Variants in DPYD observed in about 807,000 individuals in gnomAD.
DPYD encodes dihydropyrimidine dehydrogenase [NADP(+)].
Under a neutral mutation model 116.2 loss-of-function variants are expected in DPYD, and 109 were observed. That is an observed-to-expected ratio of 0.94 (90% CI 0.80 to 1.10). The LOEUF is 1.10. Ranked by LOEUF, DPYD falls within the 50% of genes least tolerant of loss-of-function variation. The pLI, the probability that DPYD is intolerant of heterozygous loss-of-function variation, is 0.00. For synonymous variants in DPYD, 440 were observed against 432.0 expected (o/e 1.02, Z -0.23); for missense variants, 1,302 against 1,254.5 (o/e 1.04, Z -0.57).
intron 16 of DPYD, among the ~76,000 whole-genome samples, chr1:97,358,366 G>T (rs1670530629): frequency 1.3e-5 from 2 of 152,210 alleles, no homozygotes; most frequent in Non-Finnish European, 2.9e-5. Flanking sequence ...CTCCACCTCT[G>T]GGGGCAGGGC....
chr1:97,312,494 TG>T (rs112036781), intron 16 of DPYD, among the ~76,000 whole-genome samples: 3 of 151,582 alleles, frequency 2.0e-5, no homozygotes, highest in African/African-American at 7.3e-5. Context: ...TTTGCAGTAG[TG>T]GAAAAAAAGA....
At chr1:97,648,279 A>G (rs1186217304) in intron 8 of DPYD, among the ~76,000 whole-genome samples, 1 of 152,028 alleles carries the variant, frequency 6.6e-6, no homozygotes, top group Non-Finnish European at 1.5e-5. Flanking sequence ...TGACTATGGA[A>G]ATCACTCTGG....
chr1:97,183,564 C>T (rs1300859058), intron 20 of DPYD, among the ~76,000 whole-genome samples: 1 of 152,026 alleles, frequency 6.6e-6, no homozygotes, highest in African/African-American at 2.4e-5. Context: ...CTTTGTTCTC[C>T]TTTTTCAAGA....
chr1:97,090,319 C>T (rs999298869), intron 21 of DPYD, among the ~76,000 whole-genome samples: 1 of 152,016 alleles, frequency 6.6e-6, no homozygotes, highest in African/African-American at 2.4e-5. Flanking sequence ...TTAGAGCTAC[C>T]CTTTGGAATC....
At chr1:97,112,646 CTTAAG>C (rs531116899) in intron 20 of DPYD, among the ~76,000 whole-genome samples, 192 of 152,216 alleles carry the variant, frequency 1.3e-3, no homozygotes, top group Admixed American at 9.2e-4. Context: ...ACAGTATATG[CTTAAG>C]TTAAGTACCT....
At chr1:97,702,928 ACT>A (rs1360362124) in intron 5 of DPYD, among the ~76,000 whole-genome samples, 29 of 152,030 alleles carry the variant, frequency 1.9e-4, no homozygotes, top group African/African-American at 6.5e-4. Context: ...AGAGTTAAAG[ACT>A]CTTAAAAAGT....
chr1:97,244,258 A>G (rs1662565259), intron 18 of DPYD, among the ~76,000 whole-genome samples: 1 of 152,080 alleles, frequency 6.6e-6, no homozygotes, highest in Non-Finnish European at 1.5e-5. Flanking sequence ...AATAATTGCC[A>G]TGAAATGCCC....
At chr1:97,428,917 A>G (rs572190160) in intron 14 of DPYD, among the ~76,000 whole-genome samples, 78 of 152,168 alleles carry the variant, frequency 5.1e-4, no homozygotes, top group African/African-American at 1.9e-3. Context: ...TTGTTAATAG[A>G]TTATTAGGTA....
intron 8 of DPYD, among the ~76,000 whole-genome samples, chr1:97,671,118 AAC>A (rs1659838671): frequency 1.3e-5 from 2 of 152,204 alleles, no homozygotes; most frequent in African/African-American, 4.8e-5. Context: ...ATGTTAAAAT[AAC>A]CTTAGTGATT....
At chr1:97,879,489 T>G (rs1212254258) in intron 2 of DPYD, among the ~76,000 whole-genome samples, 1 of 151,900 alleles carries the variant, frequency 6.6e-6, no homozygotes, top group African/African-American at 2.4e-5. Context: ...ATTAGGATAG[T>G]TCAACATTTT....
chr1:97,885,934 G>A (rs1672463596), intron 1 of DPYD, among the ~76,000 whole-genome samples: 1 of 137,974 alleles, frequency 7.2e-6, no homozygotes, highest in Non-Finnish European at 1.6e-5. Flanking sequence ...TCTTGAGCAA[G>A]CCAGTAAACA....
chr1:97,154,655 C>T (rs1387538618), intron 20 of DPYD, among the ~76,000 whole-genome samples: 1 of 148,096 alleles, frequency 6.8e-6, no homozygotes, highest in Admixed American at 6.8e-5. Flanking sequence ...ATGTTGCAGT[C>T]AGCAAAGATT....
chr1:97,648,782 T>TA (rs1220070963), intron 8 of DPYD, among the ~76,000 whole-genome samples: 1 of 151,988 alleles, frequency 6.6e-6, no homozygotes, highest in African/African-American at 2.4e-5. Context: ...TAATTAACTT[T>TA]AAAAAAATAG....
At chr1:97,295,013 C>T (rs756403251) in intron 18 of DPYD, among the ~76,000 whole-genome samples, 5 of 152,152 alleles carry the variant, frequency 3.3e-5, no homozygotes, top group Non-Finnish European at 7.4e-5. Context: ...TATATTTAGA[C>T]AGATATGACA....
At chr1:97,485,014 G>A (rs184516003) in intron 13 of DPYD, among the ~76,000 whole-genome samples, 63 of 151,868 alleles carry the variant, frequency 4.1e-4, no homozygotes, top group Non-Finnish European at 7.8e-4. Flanking sequence ...CTTTGTCTCC[G>A]ATTTTCTGTT....
intron 20 of DPYD, among the ~76,000 whole-genome samples, chr1:97,187,536 T>C (rs1053116198): frequency 2.0e-5 from 3 of 152,144 alleles, no homozygotes; most frequent in Admixed American, 6.6e-5. Context: ...CCTTCTGTTA[T>C]CTCGATTATT....
chr1:97,150,030 CT>C (rs1283213694), intron 20 of DPYD, among the ~76,000 whole-genome samples: 2 of 152,124 alleles, frequency 1.3e-5, no homozygotes, highest in African/African-American at 2.4e-5. Flanking sequence ...GTTACTTCCT[CT>C]TTTTTTCTCT....
intron 8 of DPYD, among the ~76,000 whole-genome samples, chr1:97,650,245 C>T (rs907226069): frequency 9.2e-5 from 14 of 152,094 alleles, no homozygotes; most frequent in African/African-American, 2.4e-4. Flanking sequence ...AGGACTCTAT[C>T]CTCTTTACTG....
At chr1:97,692,531 T>C (rs1463743633) in intron 6 of DPYD, among the ~76,000 whole-genome samples, 4 of 152,206 alleles carry the variant, frequency 2.6e-5, no homozygotes, top group African/African-American at 7.2e-5. Flanking sequence ...AAAAAAGCTA[T>C]GTATGTCCAT....
Sources: gnomAD v4.1 joint callset for allele counts (sites outside exome capture counted in the v4.1 genomes callset) on GRCh38, gnomAD v4.1.1 for gene constraint, MANE v1.5 for transcripts, NCBI Gene and HGNC (gene_info 2026-07-23, HGNC 2026-07-21) for gene names.